NAV2: variants seen among roughly 807,000 people sequenced by gnomAD.
NAV2 encodes neuron navigator 2.
In NAV2, 54 loss-of-function variants were observed where a neutral mutation model predicts 223.2. That is an observed-to-expected ratio of 0.24 (90% CI 0.19 to 0.30). The LOEUF (loss-of-function observed/expected upper bound fraction) is 0.30. NAV2 is among the 10% of genes least tolerant of loss of function. The probability of loss-of-function intolerance (pLI) is 1.00; values close to 1 mark genes in which losing one functional copy is unlikely to be tolerated. For missense variants in NAV2, 2,806 were observed against 3,147.5 expected, an observed-to-expected ratio of 0.89 and a Z score of 2.60; for synonymous variants, 1,279 against 1,239.3, an observed-to-expected ratio of 1.03 and a Z score of -0.67.
At position 20,045,186 on chromosome 11, in the gene NAV2, G is replaced by A. The variant is rs567764326; in HGVS notation, c.3418G>A (p.Val1140Met). The change falls in exon 14 of 38, where the codon GTG becomes ATG. Residue 1140 changes from valine (V) to methionine (M), a missense_variant. Transcript: ENST00000349880. The stretch of plus-strand genomic sequence containing the variant: ...CCTGGCCATGATCACAGCCAGCGGG[G>A]TGACTGTCACCAGCAGGTCAGCCAC... ...AGLAMITASGVTVTSRSATLG... is the reference protein window; with the variant it reads ...AGLAMITASGMTVTSRSATLG... 5 of 1,614,058 alleles carry A rather than the reference G, an allele frequency of 3.1e-6. No individual in the cohort carries two copies. In the Admixed American group the frequency reaches 8.3e-5, roughly 27 times the overall value.
intron 22 of NAV2, among the ~76,000 whole-genome samples, chr11:20,074,123 G>T (rs896267314): frequency 2.6e-5 from 4 of 152,132 alleles, no homozygotes; most frequent in Non-Finnish European, 2.9e-5. Context: ...AGATATTCTA[G>T]TATGTTGTAT....
rs926136786 is a variant in NAV2 at position 20,082,545 on chromosome 11, C to CT, written c.5326-456dup. The CT allele has an allele frequency of 3.1e-6, 5 of 1,611,060 alleles. No individual in the cohort carries two copies. The South Asian group carries it at 3.3e-5, about 11-fold the overall frequency. Reference sequence around the variant, plus strand: ...CTGGCTTTCTCTGTTAAAAAATTGTCTTTTTTCCTCCCCCTTCCCCATTTT... The same window carrying CT: ...CTGGCTTTCTCTGTTAAAAAATTGTCTTTTTTTCCTCCCCCTTCCCCATTTT... On this transcript the variant is annotated intron_variant, in intron 25 of 37. Coordinates refer to ENST00000349880, the MANE Select transcript of NAV2 (RefSeq NM_145117.5).
intron 10 of NAV2, among the ~76,000 whole-genome samples, chr11:19,979,516 C>T (rs1376961544): frequency 1.3e-5 from 2 of 152,188 alleles, no homozygotes; most frequent in Non-Finnish European, 2.9e-5. Flanking sequence ...TAGATGGATC[C>T]TCTTTTGGCT....
At chr11:20,075,533 G>A (rs548658373) in intron 22 of NAV2, among the ~76,000 whole-genome samples, 37 of 152,054 alleles carry the variant, frequency 2.4e-4, no homozygotes, top group Middle Eastern at 3.4e-3. Flanking sequence ...GAGCTACCAC[G>A]CCTGGCCTGT....
At chr11:20,073,825 CT>C (rs1302359495) in intron 22 of NAV2, among the ~76,000 whole-genome samples, 1 of 152,068 alleles carries the variant, frequency 6.6e-6, no homozygotes, top group African/African-American at 2.4e-5. Flanking sequence ...ATTCTTTTCT[CT>C]TTTCTTCTGT....
At chr11:20,050,259 C>T (rs1830648533) in intron 16 of NAV2, among the ~76,000 whole-genome samples, 1 of 152,122 alleles carries the variant, frequency 6.6e-6, no homozygotes, top group Non-Finnish European at 1.5e-5. Flanking sequence ...ACCCCAAGCC[C>T]AGAAATGACC....
At chr11:19,486,593 T>C (rs959292788) in intron 1 of NAV2, among the ~76,000 whole-genome samples, 1 of 152,210 alleles carries the variant, frequency 6.6e-6, no homozygotes, top group African/African-American at 2.4e-5. Context: ...TGCCACCATG[T>C]AAAGAAGTAC....
intron 3 of NAV2, among the ~76,000 whole-genome samples, chr11:19,850,143 G>C (rs2061033162): frequency 6.6e-6 from 1 of 152,158 alleles, no homozygotes; most frequent in South Asian, 2.1e-4. Context: ...TACAGATAAA[G>C]TACTGTCCAG....
At chr11:19,479,647 A>G (rs2042221359) in intron 1 of NAV2, among the ~76,000 whole-genome samples, 1 of 152,230 alleles carries the variant, frequency 6.6e-6, no homozygotes, top group African/African-American at 2.4e-5. Context: ...GGTCTTTCAT[A>G]GAAAATATAT....
intron 24 of NAV2, among the ~76,000 whole-genome samples, chr11:20,078,811 T>C (rs1359351308): frequency 6.6e-6 from 1 of 152,210 alleles, no homozygotes; most frequent in Non-Finnish European, 1.5e-5. Flanking sequence ...TGGGGTAATG[T>C]AGGAGTGCAG....
chr11:19,785,202 A>G (rs1437679963), intron 1 of NAV2, among the ~76,000 whole-genome samples: 3 of 152,248 alleles, frequency 2.0e-5, no homozygotes, highest in Admixed American at 2.0e-4. Context: ...GCCCCATGAC[A>G]AGTGGCCTGG....
At chr11:20,013,946 G>A (rs950983406) in intron 11 of NAV2, among the ~76,000 whole-genome samples, 2 of 152,240 alleles carry the variant, frequency 1.3e-5, no homozygotes, top group South Asian at 2.1e-4. Flanking sequence ...TCAATGTGGT[G>A]ACAGATGTAG....
chr11:19,484,644 A>G (rs2042384790), intron 1 of NAV2, among the ~76,000 whole-genome samples: 2 of 152,274 alleles, frequency 1.3e-5, no homozygotes, highest in South Asian at 4.2e-4. Flanking sequence ...AGGCAGAAAT[A>G]GGCTTTGTCC....
In NAV2 at chr11:19,381,810, C is replaced by T. The variant is rs571102971; in HGVS notation, c.75+30783C>T. On this transcript the variant is annotated intron_variant, in intron 1 of 37. Transcript: ENST00000360655. Reference sequence around the variant, plus strand: ...ATGCCTTCACAAATGGAGGCTGGAGCCAGAGAAAGAGAGATGGGAGATACA... The same window carrying T: ...ATGCCTTCACAAATGGAGGCTGGAGTCAGAGAAAGAGAGATGGGAGATACA... 9.2e-5 allele frequency among the ~76,000 whole-genome samples: 14 copies of T among 152,148 alleles called. No individual in the cohort carries two copies. The South Asian group carries it at 2.9e-3, about 32-fold the overall frequency.
At chr11:19,530,411 T>G (rs1291811064) in intron 1 of NAV2, among the ~76,000 whole-genome samples, 1 of 152,234 alleles carries the variant, frequency 6.6e-6, no homozygotes. Flanking sequence ...ATGCCCTATG[T>G]GCTTTACACG....
chr11:19,376,292 C>T (rs993511053), intron 1 of NAV2, among the ~76,000 whole-genome samples: 19 of 152,232 alleles, frequency 1.2e-4, no homozygotes, highest in Non-Finnish European at 2.6e-4. Flanking sequence ...AACAAAAAAA[C>T]AATTGCTGGT....
chr11:19,838,943 C>T (rs1408979673), intron 2 of NAV2, among the ~76,000 whole-genome samples: 1 of 152,144 alleles, frequency 6.6e-6, no homozygotes, highest in Non-Finnish European at 1.5e-5. Flanking sequence ...TTCACATGCG[C>T]TGTTCTTAAG....
chr11:19,677,191 C>T (rs1227873463), intron 1 of NAV2, among the ~76,000 whole-genome samples: 1 of 152,264 alleles, frequency 6.6e-6, no homozygotes, highest in South Asian at 2.1e-4. Context: ...CACAAAGAGT[C>T]TCCCCATATG....
intron 6 of NAV2, among the ~76,000 whole-genome samples, chr11:19,901,011 A>AT (rs1427522717): frequency 6.6e-6 from 1 of 152,164 alleles, no homozygotes; most frequent in Non-Finnish European, 1.5e-5. Flanking sequence ...ATTCTTTCTC[A>AT]TTTTTTGCAT....
Sources: allele counts gnomAD v4.1 joint callset (sites outside exome capture counted in the v4.1 genomes callset), GRCh38; gene constraint gnomAD v4.1.1; transcripts MANE v1.5; gene names NCBI Gene and HGNC (gene_info 2026-07-23, HGNC 2026-07-21).